Variants in NDUFA10 observed in about 807,000 individuals in gnomAD.
NDUFA10 encodes the protein NADH dehydrogenase [ubiquinone] 1 alpha subcomplex subunit 10, mitochondrial.
In NDUFA10, 40 loss-of-function variants were observed where a neutral mutation model predicts 47.8. That is an observed-to-expected ratio of 0.84 (90% CI 0.65 to 1.09). The LOEUF (loss-of-function observed/expected upper bound fraction) is 1.09, where lower values mean the gene tolerates loss of function less well. NDUFA10 is among the 50% of genes least tolerant of loss of function. NDUFA10 has a pLI of 0.00. For missense variants in NDUFA10, 413 were observed against 451.1 expected (o/e 0.92, Z 0.76); for synonymous variants, 183 against 172.2 (o/e 1.06, Z -0.49).
chr2:239,955,573 G>A (rs1012690762), downstream of NDUFA10, among the ~76,000 whole-genome samples: 6 of 152,272 alleles, frequency 3.9e-5, no homozygotes, highest in Non-Finnish European at 5.9e-5. Context: ...GGGTTGGCAC[G>A]CGAGGCAAAA....
chr2:239,932,397 C>T (rs562843759), intron 4 of NDUFA10, among the ~76,000 whole-genome samples: 95 of 152,318 alleles, frequency 6.2e-4, no homozygotes, highest in African/African-American at 2.2e-3. Flanking sequence ...AAAGCCTACA[C>T]GGTTACCATG....
In NDUFA10 at chr2:239,946,920, AT is replaced by A. The variant is rs572180871; in HGVS notation, c.294+43153del. 3.5e-4 allele frequency among the ~76,000 whole-genome samples: 53 copies of A among 152,336 alleles called. No individual in the cohort carries two copies. In the East Asian group the frequency reaches 8.7e-3, roughly 25 times the overall value. ...TGAACCTCAGGCCGCCTTTGGTGAA[AT>A]GAGGATAAGGCCACGGCCTCACAGG... On this transcript the variant is annotated intron_variant, in intron 4 of 5. Coordinates refer to the NDUFA10 transcript ENST00000419408.
intron 4 of NDUFA10, among the ~76,000 whole-genome samples, chr2:239,931,831 C>CTTTTTTTT (rs35581568): frequency 6.4e-4 from 58 of 90,184 alleles, no homozygotes; most frequent in East Asian, 1.8e-3. Flanking sequence ...TGCACCTCTG[C>CTTTTTTTT]TTTTTTTTTT....
intron 4 of NDUFA10, among the ~76,000 whole-genome samples, chr2:239,950,398 C>T (rs561384778): frequency 1.9e-4 from 29 of 152,214 alleles, no homozygotes; most frequent in African/African-American, 5.5e-4. Context: ...CTTTTTCAGA[C>T]GGCTCCAGTC....
chr2:239,939,732 A>T (rs1285213755), intron 4 of NDUFA10, among the ~76,000 whole-genome samples: 2 of 152,218 alleles, frequency 1.3e-5, no homozygotes, highest in Non-Finnish European at 2.9e-5. Flanking sequence ...CAATGGAAAG[A>T]AGAAATCCAG....
At chr2:239,935,839 C>T (rs944418788) in intron 4 of NDUFA10, among the ~76,000 whole-genome samples, 2 of 152,162 alleles carry the variant, frequency 1.3e-5, no homozygotes, top group Non-Finnish European at 2.9e-5. Flanking sequence ...GTGAGGCCTC[C>T]CCAGCCACAT....
At position 239,907,176 on chromosome 2, in the gene NDUFA10, T is replaced by C. The variant is rs183415053; in HGVS notation, c.295-11862A>G. ...AATGGGGAAAGGATTCCCTATTTAA[T>C]AAATGGTGCTGGGAAAACTGGCTAG... On this transcript the variant is annotated intron_variant, in intron 4 of 5. Transcript: ENST00000419408. Among the ~76,000 whole-genome samples the C allele has an allele frequency of 1.0e-2, 1,523 of 152,326 alleles. 19 individuals carry two copies. The highest frequency in any genetic ancestry group is 0.025 in the African/African-American group (1,027 of 41,570).
rs550612281 is a variant in NDUFA10, at chr2:240,016,464, T to G, written c.548-1604A>C. Among the ~76,000 whole-genome samples, 1 of 152,294 alleles carries G rather than the reference T, an allele frequency of 6.6e-6. No individual in the cohort carries two copies. Among genetic ancestry groups the G allele is most frequent in the Admixed American group, 6.5e-5 (1 of 15,300 alleles). ...TATGCCACCTGTCCTTTAGCCAACA[T>G]GATCTGCTTTCCCCCAGCCCAGCAC... is the stretch of plus-strand genomic sequence containing the variant. On this transcript the variant is annotated intron_variant, in intron 4 of 9. Transcript: ENST00000252711. The surrounding 1 kb of genome is among the most constrained non-coding windows in gnomAD (Gnocchi z 4.4).
intron 4 of NDUFA10, among the ~76,000 whole-genome samples, chr2:239,943,866 T>C (rs769565684): frequency 6.6e-6 from 1 of 151,862 alleles, no homozygotes; most frequent in African/African-American, 2.4e-5. Flanking sequence ...GGATGAGGGG[T>C]CTAGGGTTTA....
chr2:239,895,699 C>T (rs563795029), intron 4 of NDUFA10, among the ~76,000 whole-genome samples: 10 of 152,198 alleles, frequency 6.6e-5, no homozygotes, highest in African/African-American at 2.4e-4. Flanking sequence ...GCATTAGATC[C>T]CCATGCAGAA....
chr2:239,906,494 G>A lies in NDUFA10; in HGVS notation c.295-11180C>T, dbSNP rs546408773. On this transcript the variant is annotated intron_variant, in intron 4 of 5. Coordinates refer to the NDUFA10 transcript ENST00000419408. The surrounding 1 kb of genome is among the most constrained non-coding windows in gnomAD (Gnocchi z 4.3). ...CCCCACGCCAATTCATGGAGTCCCC[G>A]CACTTATAGTGCCTCCCATTGCTAA... Among the ~76,000 whole-genome samples, 3 of 152,246 alleles carry A rather than the reference G, an allele frequency of 2.0e-5. No individual in the cohort carries two copies. The highest frequency in any genetic ancestry group is 2.1e-4 in the South Asian group (1 of 4,818).
chr2:239,901,496 C>T (rs529597283), intron 4 of NDUFA10, among the ~76,000 whole-genome samples: 26 of 152,058 alleles, frequency 1.7e-4, no homozygotes, highest in Middle Eastern at 3.4e-3. Flanking sequence ...AAAATGCTAC[C>T]GCTCACCGAC....
downstream of NDUFA10, among the ~76,000 whole-genome samples, chr2:239,956,427 C>T (rs181444375): frequency 1.6e-3 from 243 of 152,274 alleles, no homozygotes; most frequent in Non-Finnish European, 2.5e-3. Context: ...GGGTCCTACC[C>T]GCTCCTCTTA....
At chr2:239,900,547 C>A (rs1405037574) in intron 4 of NDUFA10, among the ~76,000 whole-genome samples, 3 of 145,938 alleles carry the variant, frequency 2.1e-5, no homozygotes, top group East Asian at 4.1e-4. Context: ...GTAACCTGTG[C>A]TTTTTTCATT....
At chr2:240,000,958 G>C (rs1482238648) in intron 8 of NDUFA10, among the ~76,000 whole-genome samples, 1 of 152,186 alleles carries the variant, frequency 6.6e-6, no homozygotes, top group African/African-American at 2.4e-5. Flanking sequence ...ACATATCCCT[G>C]TCGTTAAGCA....
intron 9 of NDUFA10, among the ~76,000 whole-genome samples, chr2:239,966,373 C>T (rs2106401360): frequency 6.6e-6 from 1 of 152,326 alleles, no homozygotes; most frequent in South Asian, 2.1e-4. Flanking sequence ...AGGGTGTGCA[C>T]ATTTGTACTA....
intron 4 of NDUFA10, among the ~76,000 whole-genome samples, chr2:239,922,400 T>C (rs1425798360): frequency 6.6e-6 from 1 of 152,148 alleles, no homozygotes; most frequent in Admixed American, 6.5e-5. Context: ...GGCCAAGGCA[T>C]CAGGGACCCC....
chr2:239,903,733 A>G (rs911869767), intron 4 of NDUFA10, among the ~76,000 whole-genome samples: 2 of 152,146 alleles, frequency 1.3e-5, no homozygotes, highest in Admixed American at 1.3e-4. Flanking sequence ...TTCCTTCCCC[A>G]TTGTCAAGAT....
intron 8 of NDUFA10, among the ~76,000 whole-genome samples, chr2:239,997,782 G>C (rs1279418648): frequency 6.6e-6 from 1 of 152,216 alleles, no homozygotes; most frequent in Admixed American, 6.5e-5. Flanking sequence ...ACCAGGCTTT[G>C]AGAGCTATAT....
Sources: gnomAD v4.1 joint callset for allele counts (sites outside exome capture counted in the v4.1 genomes callset) on GRCh38, gnomAD v4.1.1 for gene constraint, Gnocchi (gnomAD v3.1) non-coding constraint, MANE v1.5 for transcripts, NCBI Gene and HGNC (gene_info 2026-07-23, HGNC 2026-07-21) for gene names.